GCNT2: variants seen among roughly 807,000 people sequenced by gnomAD.
GCNT2 encodes glucosaminyl (N-acetyl) transferase 2 (I blood group).
A neutral mutation model predicts 34.2 loss-of-function variants in GCNT2; 34 were observed. The ratio of observed to expected loss-of-function variants is 1.00; its 90% confidence interval spans 0.76 to 1.32. GCNT2 has a LOEUF of 1.32. Among genes scored for constraint, GCNT2 ranks in the 40% most tolerant of loss-of-function variants. GCNT2 has a pLI of 0.00. For missense variants in GCNT2, 584 were observed against 489.4 expected (o/e 1.19, Z -1.82); for synonymous variants, 212 against 188.0 (o/e 1.13, Z -1.04).
intron 1 of GCNT2, among the ~76,000 whole-genome samples, chr6:10,523,841 T>C (rs1007316288): frequency 3.0e-4 from 46 of 151,578 alleles, no homozygotes; most frequent in African/African-American, 9.7e-4. Context: ...GGCTTGGTGG[T>C]GGGCGCCTGT....
intron 2 of GCNT2, 104 bp from the exon 3 acceptor site, chr6:10,528,527 C>T (rs528146439): frequency 3.4e-4 from 109 of 320,290 alleles, no homozygotes; most frequent in African/African-American, 2.0e-3. Flanking sequence ...GTCTTAGAGC[C>T]GATGACTTGC....
intron 3 of GCNT2, among the ~76,000 whole-genome samples, chr6:10,554,661 T>G (rs1452664396): frequency 2.6e-5 from 4 of 152,216 alleles, no homozygotes; most frequent in Non-Finnish European, 5.9e-5. Flanking sequence ...TTTAAAAGTA[T>G]TATTCAGAAG....
At chr6:10,562,656 G>GAAAAAAAA (rs57868433) in intron 3 of GCNT2, among the ~76,000 whole-genome samples, 9 of 77,528 alleles carry the variant, frequency 1.2e-4, no homozygotes, top group Non-Finnish European at 1.3e-4. Context: ...GAACTTCTCT[G>GAAAAAAAA]AAAAAAAAAA....
In GCNT2 at chr6:10,628,766, A is replaced by T. The variant is rs2127449594; in HGVS notation, c.*2159A>T. The stretch of plus-strand genomic sequence containing the variant: ...CCGGGCGTGGTGGCTCACACCTGTA[A>T]TCCCAACACTTTGGGAGGCCAAGGC... On this transcript the variant is annotated 3_prime_UTR_variant, in exon 5 of 5. Coordinates refer to ENST00000495262, the MANE Select transcript of GCNT2 (RefSeq NM_145649.5). The T allele has an allele frequency of 6.6e-6, 1 of 152,534 alleles. No homozygotes were observed. The highest frequency in any genetic ancestry group is 2.4e-5 in the African/African-American group (1 of 41,592). 9.4% of individuals were successfully genotyped at this position (152,534 alleles called of 1,614,324 possible). A position where few individuals can be genotyped will look rare whatever the true frequency, so the allele number is the denominator to read the frequency against.
At chr6:10,576,019 G>C (rs974271410) in intron 3 of GCNT2, among the ~76,000 whole-genome samples, 1 of 152,136 alleles carries the variant, frequency 6.6e-6, no homozygotes, top group Admixed American at 6.5e-5. Context: ...CTCACACAAA[G>C]CCTGTTTGGT....
intron 3 of GCNT2, among the ~76,000 whole-genome samples, chr6:10,604,979 T>C (rs1012603899): frequency 2.6e-5 from 4 of 151,948 alleles, no homozygotes; most frequent in African/African-American, 9.7e-5. Context: ...ACCCTGTCTC[T>C]ATAAAAAAAT....
intron 3 of GCNT2, among the ~76,000 whole-genome samples, chr6:10,561,387 C>T (rs1762973430): frequency 6.6e-6 from 1 of 152,210 alleles, no homozygotes; most frequent in Non-Finnish European, 1.5e-5. Flanking sequence ...GTCTCGAACT[C>T]CCGACCTCAG....
At chr6:10,579,818 AAAAC>A (rs1306625039) in intron 3 of GCNT2, among the ~76,000 whole-genome samples, 9 of 119,374 alleles carry the variant, frequency 7.5e-5, no homozygotes, top group Non-Finnish European at 1.4e-4. Flanking sequence ...TCCATCTCAA[AAAAC>A]AAACAAAAAA....
intron 3 of GCNT2, among the ~76,000 whole-genome samples, chr6:10,571,082 T>C (rs1763534032): frequency 6.6e-6 from 1 of 152,188 alleles, no homozygotes; most frequent in South Asian, 2.1e-4. Context: ...CTAATCCTAG[T>C]TATACAAATT....
chr6:10,598,410 C>G (rs138791251), intron 3 of GCNT2, among the ~76,000 whole-genome samples: 17 of 152,146 alleles, frequency 1.1e-4, no homozygotes, highest in Non-Finnish European at 2.2e-4. Context: ...TCATGACATT[C>G]CTATTTATAT....
At chr6:10,608,263 G>A (rs1042295574) in intron 3 of GCNT2, among the ~76,000 whole-genome samples, 1 of 151,984 alleles carries the variant, frequency 6.6e-6, no homozygotes. Context: ...TTTTAGTAGA[G>A]ACGGGGTTTC....
At chr6:10,594,274 C>T (rs1764759025) in intron 3 of GCNT2, among the ~76,000 whole-genome samples, 1 of 152,160 alleles carries the variant, frequency 6.6e-6, no homozygotes, top group Admixed American at 6.5e-5. Flanking sequence ...GAGACTGGCA[C>T]ATGTATAGAT....
chr6:10,530,153 G>A lies in GCNT2; in HGVS notation c.925+317G>A, dbSNP rs1435967902. On this transcript the variant is annotated intron_variant, in intron 3 of 4. Coordinates refer to ENST00000495262, the MANE Select transcript of GCNT2 (RefSeq NM_145649.5). ...GAGGCAGGTGGATCACTTGAGGTCA[G>A]GAGTTTGAGAGCAGCCTGACCAACA... The A allele has an allele frequency of 8.6e-5, 24 of 280,546 alleles. 1 individual carries two copies. Among genetic ancestry groups the A allele is most frequent in the Non-Finnish European group, 1.4e-5 (2 of 144,358 alleles). The allele number at this position is 280,546 out of a possible 1,614,324, so 17.4% of individuals were successfully genotyped here. A position where few individuals can be genotyped will look rare whatever the true frequency, so the allele number is the denominator to read the frequency against.
intron 3 of GCNT2, among the ~76,000 whole-genome samples, chr6:10,548,550 G>A (rs1762358356): frequency 1.3e-5 from 2 of 152,144 alleles, no homozygotes; most frequent in Admixed American, 6.5e-5. Flanking sequence ...CACTCCACTT[G>A]CCAGGGCAGC....
Position 10,528,836 on chromosome 6 carries a change from G to A in GCNT2, c.-76G>A. ...CACGAGGATGATTTCGGAACCTGGA[G>A]AAAATGTAAGTTAAATATATCTACA... On this transcript the variant is annotated 5_prime_UTR_variant, in exon 3 of 5. Transcript: ENST00000495262. The A allele has an allele frequency of 8.1e-7, 1 of 1,234,448 alleles. No individual in the cohort carries two copies. Among genetic ancestry groups the A allele is most frequent in the Non-Finnish European group, 1.2e-6 (1 of 838,406 alleles). The allele number at this position is 1,234,448 out of a possible 1,614,324, so 76.5% of individuals were successfully genotyped here.
chr6:10,587,779 G>C (rs1049623244), intron 3 of GCNT2, among the ~76,000 whole-genome samples: 3 of 152,224 alleles, frequency 2.0e-5, no homozygotes, highest in East Asian at 1.9e-4. Context: ...TGTGACCTGC[G>C]TTACGTCTTT....
At chr6:10,560,546 ATG>A (rs1762929338) in intron 3 of GCNT2, among the ~76,000 whole-genome samples, 1 of 152,192 alleles carries the variant, frequency 6.6e-6, no homozygotes, top group Admixed American at 6.5e-5. Flanking sequence ...TTAAATTAAA[ATG>A]TGTTAGCAAG....
intron 3 of GCNT2, among the ~76,000 whole-genome samples, chr6:10,545,930 G>A: frequency 6.6e-6 from 1 of 152,206 alleles, no homozygotes; most frequent in Non-Finnish European, 1.5e-5. Context: ...GTAGAAACCT[G>A]GAGTTGTTCC....
rs562298467 is a variant in GCNT2, at chr6:10,565,824, C to A, written c.925+35988C>A. 1.1e-4 allele frequency among the ~76,000 whole-genome samples: 17 copies of A among 152,234 alleles called. 1 individual carries two copies. The South Asian group carries it at 3.5e-3, about 32-fold the overall frequency. On this transcript the variant is annotated intron_variant, in intron 3 of 4. Transcript: ENST00000495262. Reference sequence around the variant, plus strand: ...TCTTTCTCTTAAAGTTGTATAATTTCTTCCTAACTAGTTTCCCTGTTCCGT... The same window carrying A: ...TCTTTCTCTTAAAGTTGTATAATTTATTCCTAACTAGTTTCCCTGTTCCGT...
Sources: gnomAD v4.1 joint callset for allele counts (sites outside exome capture counted in the v4.1 genomes callset) on GRCh38, gnomAD v4.1.1 for gene constraint, MANE v1.5 for transcripts, NCBI Gene and HGNC (gene_info 2026-07-23, HGNC 2026-07-21) for gene names.